Variants in MEI1 observed in about 807,000 individuals in gnomAD.
MEI1 encodes meiosis inhibitor protein 1.
In MEI1, 103 loss-of-function variants were observed where a neutral mutation model predicts 146.2. The ratio of observed to expected loss-of-function variants is 0.70; its 90% confidence interval spans 0.60 to 0.83. The LOEUF is 0.83. Ranked by LOEUF, MEI1 falls within the 40% of genes least tolerant of loss-of-function variation. MEI1 has a pLI of 0.00. For missense variants in MEI1, 1,529 were observed against 1,533.0 expected (o/e 1.00, Z 0.04); for synonymous variants, 652 against 628.2 (o/e 1.04, Z -0.57).
At chr22:41,788,125 A>T (rs1373026429) in intron 26 of MEI1, among the ~76,000 whole-genome samples, 1 of 146,794 alleles carries the variant, frequency 6.8e-6, no homozygotes, top group African/African-American at 2.5e-5. Flanking sequence ...CTGCCTCCTG[A>T]GTTAAGTGAT....
chr22:41,744,974 G>T lies in MEI1; in HGVS notation c.1448G>T (p.Gly483Val), dbSNP rs867931777. 1.3e-6 allele frequency: 2 copies of T among 1,545,458 alleles called. No individual in the cohort carries two copies. Among genetic ancestry groups the T allele is most frequent in the Non-Finnish European group, 1.7e-6 (2 of 1,143,588 alleles). ...SQTLLSRRPL[G>V]HASSRDSEKA... The stretch of plus-strand genomic sequence containing the variant: ...TCCTGTCTCTCCTTCCCACCTCAGG[G>T]CCATGCCTCCAGTAGAGATTCAGAG... Residue 483 changes from glycine (G) to valine (V), a missense_variant and splice_region_variant, in exon 13 of 31, where the codon GGC becomes GTC. By Grantham distance (109) the Gly-to-Val change is moderately radical. Around this residue, in one of 3 missense-constraint regions of MEI1, gnomAD observed 1,212 missense variants for 1,178.9 expected, o/e 1.03. Transcript: ENST00000401548.
At chr22:41,704,415 T>C (rs1451509667) in intron 2 of MEI1, among the ~76,000 whole-genome samples, 5 of 99,350 alleles carry the variant, frequency 5.0e-5, no homozygotes, top group African/African-American at 2.9e-4. Flanking sequence ...ATTCTTACCC[T>C]TTTTTTTTTT....
chr22:41,720,597 A>ATT (rs71184835), intron 6 of MEI1, among the ~76,000 whole-genome samples: 35,706 of 124,762 alleles, frequency 0.29, 5,918 homozygotes, highest in Non-Finnish European at 0.36. Flanking sequence ...GCCTGGCTCA[A>ATT]TTTTTTTTTT....
At position 41,758,543 on chromosome 22, in the gene MEI1, C is replaced by G; in HGVS notation, c.2120+10C>G. ...ACATCCATGAAGACAGGTCAGTGCA[C>G]AGAGGTGGGTGGCTGGTGGTGGGTC... On this transcript the variant is annotated intron_variant, in intron 18 of 30. Transcript: ENST00000401548. 6.2e-7 allele frequency: 1 copy of G among 1,605,642 alleles called. No individual in the cohort carries two copies. The highest frequency in any genetic ancestry group is 1.1e-5 in the South Asian group (1 of 90,546).
chr22:41,768,200 G>A (rs1037721881), intron 19 of MEI1, among the ~76,000 whole-genome samples: 1 of 152,150 alleles, frequency 6.6e-6, no homozygotes, highest in Non-Finnish European at 1.5e-5. Context: ...TGGGCAACAT[G>A]GTGAAACCCT....
chr22:41,765,109 A>G lies in MEI1; in HGVS notation c.2268+1788A>G, dbSNP rs148954364. On this transcript the variant is annotated intron_variant, in intron 19 of 30. Coordinates refer to ENST00000401548, the MANE Select transcript of MEI1 (RefSeq NM_152513.4). ...AACCTCCGCTTCCCAGGTTCAAGCA[A>G]TTCTCCTGCCTCAGCCTCCCGAGTA... Among the ~76,000 whole-genome samples the G allele has an allele frequency of 1.7e-3, 265 of 152,300 alleles. 13 individuals are homozygous for G. In the East Asian group the frequency reaches 0.049, roughly 28 times the overall value.
At chr22:41,738,770 C>CA (rs750233042) in intron 11 of MEI1, among the ~76,000 whole-genome samples, 4,406 of 129,832 alleles carry the variant, frequency 0.034, 193 homozygotes, top group African/African-American at 0.11. Context: ...GACTCTGTCT[C>CA]AAAAAAAAAA....
intron 7 of MEI1, among the ~76,000 whole-genome samples, chr22:41,729,427 A>G (rs1212738076): frequency 6.6e-6 from 1 of 152,186 alleles, no homozygotes; most frequent in Non-Finnish European, 1.5e-5. Context: ...GTGTTCTTTG[A>G]GTGCCCCTGG....
intron 20 of MEI1, among the ~76,000 whole-genome samples, chr22:41,774,861 G>A (rs1471754379): frequency 2.0e-5 from 3 of 152,166 alleles, no homozygotes; most frequent in East Asian, 1.9e-4. Context: ...CAGCAACTGC[G>A]GAGGTTTCTG....
At chr22:41,763,107 G>A in intron 18 of MEI1, 67 bp from the exon 19 acceptor site, 3 of 1,566,716 alleles carry the variant, frequency 1.9e-6, no homozygotes, top group Non-Finnish European at 2.6e-6. Flanking sequence ...ATGCGGCCAG[G>A]CAGAATAGAA....
At chr22:41,716,240 G>A in intron 5 of MEI1, 94 bp downstream of exon 5, 1 of 813,608 alleles carries the variant, frequency 1.2e-6, no homozygotes, top group Non-Finnish European at 2.0e-6. Flanking sequence ...CACCTGGGAA[G>A]TCATTACTTT....
At chr22:41,796,652 G>C (rs918404246) in intron 30 of MEI1, among the ~76,000 whole-genome samples, 1 of 152,172 alleles carries the variant, frequency 6.6e-6, no homozygotes, top group African/African-American at 2.4e-5. Flanking sequence ...TTCCATACCT[G>C]ACTTCACATG....
intron 11 of MEI1, among the ~76,000 whole-genome samples, chr22:41,734,973 T>G (rs1298481722): frequency 1.3e-5 from 2 of 151,322 alleles, no homozygotes. Flanking sequence ...ATTTTTTTCT[T>G]TTTTTTGAGA....
intron 7 of MEI1, 66 bp from the exon 8 acceptor site, chr22:41,729,599 C>T: frequency 9.9e-7 from 1 of 1,008,482 alleles, no homozygotes; most frequent in East Asian, 2.6e-5. Flanking sequence ...CCTGAGGCAC[C>T]TAGGCCAGTT....
intron 7 of MEI1, among the ~76,000 whole-genome samples, chr22:41,729,432 C>T (rs2071663777): frequency 6.6e-6 from 1 of 152,120 alleles, no homozygotes; most frequent in African/African-American, 2.4e-5. Context: ...CTTTGAGTGC[C>T]CCTGGTGAGT....
At chr22:41,722,467 AT>A (rs749033326) in intron 6 of MEI1, among the ~76,000 whole-genome samples, 7,230 of 127,576 alleles carry the variant, frequency 0.057, 372 homozygotes, top group African/African-American at 0.19. Context: ...CAGCATTTTA[AT>A]TTTTTTTTTT....
chr22:41,793,883 T>C lies in MEI1; in HGVS notation c.3400T>C (p.Tyr1134His), dbSNP rs1317001322. ...CVGCLEALLDYLDARSPDIAL... is the reference protein window; with the variant it reads ...CVGCLEALLDHLDARSPDIAL... ...TGGCTGCCTGGAGGCCTTGCTTGAC[T>C]ACCTGGATGCCCGGAGCCCAGACAT... The change falls in exon 27 of 31, where the codon TAC becomes CAC. Residue 1134 changes from tyrosine (Y) to histidine (H), a missense_variant. By Grantham distance (83) the Tyr-to-His change is moderately conservative. This residue lies in a region of MEI1 where 313 missense variants were observed against 337.3 expected (regional missense o/e 0.93). Coordinates refer to ENST00000401548, the MANE Select transcript of MEI1 (RefSeq NM_152513.4). The C allele has an allele frequency of 1.9e-6, 3 of 1,613,102 alleles. No homozygotes were observed. The highest frequency in any genetic ancestry group is 2.5e-6 in the Non-Finnish European group (3 of 1,179,646).
intron 16 of MEI1, 85 bp downstream of exon 16, chr22:41,752,736 T>A (rs2073853025): frequency 1.4e-5 from 17 of 1,227,648 alleles, no homozygotes; most frequent in Non-Finnish European, 1.8e-5. Flanking sequence ...GGCTGGTGTG[T>A]TTTAGTCATG....
In MEI1 at chr22:41,748,154, C is replaced by T. The variant is rs766713187; in HGVS notation, c.1728C>T (p.Leu576=). 6.2e-7 allele frequency: 1 copy of T among 1,613,996 alleles called. No individual in the cohort carries two copies. The highest frequency in any genetic ancestry group is 8.5e-7 in the Non-Finnish European group (1 of 1,179,888). ...TTHPALMEVF[L]SILHNLFVIV... is the part of the protein sequence containing the mutation. ...ACCCAGCTTTGATGGAAGTTTTCCT[C>T]TCAATTCTACATAACCTCTTTGTCA... Residue 576 remains leucine (L), a synonymous_variant, in exon 15 of 31, where the codon CTC becomes CTT. Transcript: ENST00000401548.
Sources: allele counts gnomAD v4.1 joint callset (sites outside exome capture counted in the v4.1 genomes callset), GRCh38; gene constraint gnomAD v4.1.1; regional missense constraint gnomAD v4.1.1; transcripts MANE v1.5; gene names NCBI Gene and HGNC (gene_info 2026-07-23, HGNC 2026-07-21).